XRCC4: variants seen among roughly 807,000 people sequenced by gnomAD.
The protein encoded by XRCC4 is DNA repair protein XRCC4.
Under a neutral mutation model 39.1 loss-of-function variants are expected in XRCC4, and 28 were observed. The ratio of observed to expected loss-of-function variants is 0.72; its 90% CI spans 0.53 to 0.98. The LOEUF is 0.98. Among genes scored for constraint, XRCC4 ranks in the 50% least tolerant of loss-of-function variants. XRCC4 has a pLI of 0.00. For synonymous variants in XRCC4, 123 were observed against 126.4 expected, an observed-to-expected ratio of 0.97 and a Z score of 0.18; for missense variants, 350 against 376.4, an observed-to-expected ratio of 0.93 and a Z score of 0.58.
intron 7 of XRCC4, among the ~76,000 whole-genome samples, chr5:83,349,963 G>T (rs1757031294): frequency 6.6e-6 from 1 of 151,886 alleles, no homozygotes; most frequent in Non-Finnish European, 1.5e-5. Flanking sequence ...CCATCTTTAT[G>T]TCCATGTATA....
chr5:83,082,133 C>T (rs1192508047), intron 1 of XRCC4, among the ~76,000 whole-genome samples: 1 of 152,200 alleles, frequency 6.6e-6, no homozygotes, highest in Non-Finnish European at 1.5e-5. Flanking sequence ...TACCCACTAT[C>T]ATTTCTTGCC....
chr5:83,105,039 T>G lies in XRCC4; in HGVS notation c.120T>G (p.His40Gln), dbSNP rs758779099. The change falls in exon 2 of 8, where the codon CAT (histidine) becomes CAG (glutamine). Residue 40 changes from histidine (H) to glutamine (Q), a missense_variant. His to Gln is a conservative substitution (Grantham distance 24, BLOSUM62 0). Transcript: ENST00000396027. ...SGFVITLTDG[H>Q]SAWTGTVSES... ...TTGTTATTACACTTACTGATGGTCA[T>G]TCAGCATGGACTGGGACAGGTAATA... The G allele has an allele frequency of 8.1e-6, 13 of 1,613,094 alleles. No homozygotes were observed. The highest frequency in any genetic ancestry group is 1.0e-5 in the Non-Finnish European group (12 of 1,179,580).
At chr5:83,271,651 A>G (rs140360242) in intron 7 of XRCC4, among the ~76,000 whole-genome samples, 116 of 152,286 alleles carry the variant, frequency 7.6e-4, no homozygotes, top group African/African-American at 2.6e-3. Context: ...TTACTAATAT[A>G]AAATAGAGTC....
intron 7 of XRCC4, among the ~76,000 whole-genome samples, chr5:83,312,928 A>T (rs1358972261): frequency 6.6e-6 from 1 of 152,144 alleles, no homozygotes; most frequent in African/African-American, 2.4e-5. Flanking sequence ...AGGCTCTGAT[A>T]AAGGAAGTTA....
chr5:83,105,698 G>A (rs10076059), intron 2 of XRCC4, among the ~76,000 whole-genome samples: 74,021 of 151,924 alleles, frequency 0.49, 18,821 homozygotes, highest in African/African-American at 0.62. Flanking sequence ...CCTTATATAC[G>A]AAGTTTTAAT....
Position 83,311,220 on chromosome 5 carries a change from G to A in XRCC4, c.894-41911G>A, listed in dbSNP as rs144315216. Reference sequence around the variant, plus strand: ...GGCTGCCATTAGAACACAAGAAGCCGGAGGATGAAGAGAGGTTGATTGATG... The same window carrying A: ...GGCTGCCATTAGAACACAAGAAGCCAGAGGATGAAGAGAGGTTGATTGATG... On this transcript the variant is annotated intron_variant, in intron 7 of 7. Coordinates refer to ENST00000396027, the MANE Select transcript of XRCC4 (RefSeq NM_003401.5). Among the ~76,000 whole-genome samples the A allele has an allele frequency of 6.7e-3, 1,020 of 152,220 alleles. 11 individuals are homozygous for A. The highest frequency in any genetic ancestry group is 0.022 in the African/African-American group (922 of 41,504).
rs769112392 is a variant in XRCC4, at chr5:83,295,701, A to AAC, written c.893+37036_893+37037dup. ...TTAGATAGAAGCATACACAGGAAGT[A>AAC]ACACACACACACATGCACGCACACG... On this transcript the variant is annotated intron_variant, in intron 7 of 7. Transcript: ENST00000396027. Among the ~76,000 whole-genome samples, 68 of 150,922 alleles carry AAC rather than the reference A, an allele frequency of 4.5e-4. No homozygotes were observed. In the East Asian group the frequency reaches 9.5e-3, roughly 21 times the overall value.
chr5:83,304,133 A>G (rs1580487267), intron 7 of XRCC4, among the ~76,000 whole-genome samples: 1 of 151,950 alleles, frequency 6.6e-6, no homozygotes, highest in South Asian at 2.1e-4. Context: ...TTTATTTAAG[A>G]TCACATGAAT....
At chr5:83,146,941 A>T (rs1748482463) in intron 3 of XRCC4, among the ~76,000 whole-genome samples, 1 of 152,232 alleles carries the variant, frequency 6.6e-6, no homozygotes, top group African/African-American at 2.4e-5. Flanking sequence ...AAAGTATCAA[A>T]GATATTTGCT....
chr5:83,304,996 G>A (rs1755428404), intron 7 of XRCC4, among the ~76,000 whole-genome samples: 1 of 152,138 alleles, frequency 6.6e-6, no homozygotes, highest in African/African-American at 2.4e-5. Flanking sequence ...AGTTACCTGA[G>A]CAAGGTCTCC....
intron 2 of XRCC4, among the ~76,000 whole-genome samples, chr5:83,105,418 T>A (rs1286955349): frequency 2.0e-5 from 3 of 152,164 alleles, no homozygotes; most frequent in Non-Finnish European, 4.4e-5. Context: ...GGTAAATGGG[T>A]ATGTGTGTTG....
intron 2 of XRCC4, among the ~76,000 whole-genome samples, chr5:83,107,071 G>C (rs1746234399): frequency 6.6e-6 from 1 of 151,808 alleles, no homozygotes; most frequent in African/African-American, 2.4e-5. Context: ...TACCATTTTG[G>C]TTTCCTGTAC....
chr5:83,201,687 A>G (rs1361797538), intron 4 of XRCC4: 1 of 152,326 alleles, frequency 6.6e-6, no homozygotes, highest in African/African-American at 2.4e-5. Context: ...GGTAATGTTC[A>G]TATGAAATAC....
intron 7 of XRCC4, among the ~76,000 whole-genome samples, chr5:83,285,557 G>T (rs190291630): frequency 6.6e-6 from 1 of 151,952 alleles, no homozygotes; most frequent in South Asian, 2.1e-4. Context: ...TTTATGTCTT[G>T]TTGTAACCTA....
chr5:83,132,496 T>C (rs1199044446), intron 3 of XRCC4, among the ~76,000 whole-genome samples: 1 of 152,134 alleles, frequency 6.6e-6, no homozygotes, highest in Non-Finnish European at 1.5e-5. Flanking sequence ...GGTTCCATTC[T>C]CCCTGTCATT....
chr5:83,308,403 A>G (rs1755564250), intron 7 of XRCC4, among the ~76,000 whole-genome samples: 1 of 152,186 alleles, frequency 6.6e-6, no homozygotes, highest in African/African-American at 2.4e-5. Context: ...GAATAAGTTA[A>G]TAACATATTA....
intron 6 of XRCC4, among the ~76,000 whole-genome samples, chr5:83,255,486 G>A (rs978201406): frequency 5.3e-5 from 8 of 152,076 alleles, no homozygotes; most frequent in Non-Finnish European, 8.8e-5. Context: ...ATCATAATGT[G>A]GTGAACTGGC....
the XRCC4 span, among the ~76,000 whole-genome samples, chr5:83,364,694 C>T: frequency 2.6e-4 from 39 of 152,296 alleles, no homozygotes; most frequent in Non-Finnish European, 4.1e-4. Context: ...CTACAGCAGC[C>T]GTTCCTTATA....
intron 6 of XRCC4, among the ~76,000 whole-genome samples, chr5:83,223,715 G>A (rs1326749138): frequency 2.0e-5 from 3 of 151,598 alleles, no homozygotes; most frequent in Non-Finnish European, 4.4e-5. Context: ...AAGTTCTAGG[G>A]TACATGTGTA....
Sources: allele counts gnomAD v4.1 joint callset (sites outside exome capture counted in the v4.1 genomes callset), GRCh38; gene constraint gnomAD v4.1.1; transcripts MANE v1.5; gene names NCBI Gene and HGNC (gene_info 2026-07-23, HGNC 2026-07-21).